The following SNTG1 variants were observed in gnomAD, a reference collection of about 807,000 sequenced individuals.
SNTG1 encodes the protein syntrophin gamma 1, also known as gamma-1-syntrophin.
SNTG1 carries 39 observed loss-of-function variants against 74.7 expected under a neutral mutation model. The ratio of observed to expected loss-of-function variants is 0.52; its 90% CI spans 0.40 to 0.68. SNTG1 has a LOEUF of 0.68. Ranked by LOEUF, SNTG1 falls within the 30% of genes least tolerant of loss-of-function variation. The pLI, the probability that SNTG1 is intolerant of heterozygous loss-of-function variation, is 0.00. For missense variants in SNTG1, 685 were observed against 609.5 expected (o/e 1.12, Z -1.30); for synonymous variants, 254 against 217.1 (o/e 1.17, Z -1.49).
chr8:50,686,272 T>G (rs2095352185), intron 15 of SNTG1, among the ~76,000 whole-genome samples: 1 of 152,182 alleles, frequency 6.6e-6, no homozygotes, highest in Admixed American at 6.5e-5. Context: ...GCCTTCAAAC[T>G]TAAGCTGAAT....
chr8:50,428,674 C>G (rs548566216), intron 4 of SNTG1, among the ~76,000 whole-genome samples: 47 of 152,088 alleles, frequency 3.1e-4, no homozygotes, highest in African/African-American at 1.1e-3. Context: ...AACCCAAAAC[C>G]CTGAGAGCTT....
intron 2 of SNTG1, among the ~76,000 whole-genome samples, chr8:50,341,360 A>G (rs953700546): frequency 1.3e-5 from 2 of 151,954 alleles, no homozygotes; most frequent in African/African-American, 2.4e-5. Flanking sequence ...CACAAATGGT[A>G]CTTTTTCCCC....
intron 1 of SNTG1, among the ~76,000 whole-genome samples, chr8:50,030,381 C>CT (rs1817642124): frequency 6.6e-6 from 1 of 151,926 alleles, no homozygotes; most frequent in Non-Finnish European, 1.5e-5. Flanking sequence ...GCCTTGGTCG[C>CT]TGTGCTTTTG....
intron 2 of SNTG1, among the ~76,000 whole-genome samples, chr8:50,333,460 T>C (rs2091035081): frequency 6.6e-6 from 1 of 152,238 alleles, no homozygotes; most frequent in South Asian, 2.1e-4. Context: ...TCTGAATTCC[T>C]AGCTGAATAA....
chr8:50,226,843 T>C (rs2085354325), intron 2 of SNTG1, among the ~76,000 whole-genome samples: 1 of 152,178 alleles, frequency 6.6e-6, no homozygotes, highest in Non-Finnish European at 1.5e-5. Context: ...GTCACTCTTA[T>C]TTGGCTCAAA....
At chr8:49,915,862 A>G (rs1805981529) in intron 1 of SNTG1, among the ~76,000 whole-genome samples, 1 of 152,216 alleles carries the variant, frequency 6.6e-6, no homozygotes, top group South Asian at 2.1e-4. Context: ...GTTTTGATTT[A>G]GTCGAAAGCC....
At chr8:49,951,334 A>C (rs1375564426) in intron 1 of SNTG1, among the ~76,000 whole-genome samples, 1 of 152,256 alleles carries the variant, frequency 6.6e-6, no homozygotes, top group Non-Finnish European at 1.5e-5. Context: ...GCATTTGGTT[A>C]CAATATCTAA....
At chr8:50,767,298 T>C (rs2095616123) in intron 18 of SNTG1, among the ~76,000 whole-genome samples, 1 of 151,988 alleles carries the variant, frequency 6.6e-6, no homozygotes, top group Non-Finnish European at 1.5e-5. Flanking sequence ...CAAATAGTGC[T>C]TAATTCATTG....
At chr8:49,987,854 TAG>T (rs1380851951) in intron 1 of SNTG1, among the ~76,000 whole-genome samples, 1 of 152,042 alleles carries the variant, frequency 6.6e-6, no homozygotes, top group Non-Finnish European at 1.5e-5. Context: ...TTCACCGTGT[TAG>T]CCAGGATGGT....
intron 8 of SNTG1, among the ~76,000 whole-genome samples, chr8:50,498,956 A>T (rs577218909): frequency 6.6e-6 from 1 of 151,824 alleles, no homozygotes; most frequent in African/African-American, 2.4e-5. Context: ...ATATCATGTT[A>T]CATTATTATT....
At chr8:50,493,857 G>A (rs935247214) in intron 8 of SNTG1, among the ~76,000 whole-genome samples, 3 of 150,878 alleles carry the variant, frequency 2.0e-5, no homozygotes, top group African/African-American at 7.3e-5. Context: ...ATACAGTCAG[G>A]TACCAAATAA....
At chr8:50,218,858 C>G (rs1371035147) in intron 2 of SNTG1, among the ~76,000 whole-genome samples, 1 of 152,136 alleles carries the variant, frequency 6.6e-6, no homozygotes, top group Middle Eastern at 3.2e-3. Context: ...TCCAGAGAGG[C>G]AGAAACAATG....
intron 2 of SNTG1, among the ~76,000 whole-genome samples, chr8:50,221,586 C>CA (rs1227249917): frequency 4.6e-5 from 7 of 150,576 alleles, no homozygotes; most frequent in African/African-American, 1.7e-4. Context: ...TACTTAAAGG[C>CA]AATGAGAGAG....
chr8:50,383,030 G>A (rs972311693), intron 2 of SNTG1, among the ~76,000 whole-genome samples: 6 of 152,276 alleles, frequency 3.9e-5, no homozygotes, highest in African/African-American at 1.4e-4. Flanking sequence ...AAAGCCAACT[G>A]ATTTCAGATG....
At chr8:50,670,291 C>A (rs917771237) in intron 15 of SNTG1, among the ~76,000 whole-genome samples, 1 of 152,118 alleles carries the variant, frequency 6.6e-6, no homozygotes, top group South Asian at 2.1e-4. Context: ...ATCTAGAAAA[C>A]CCCATTGTCT....
chr8:49,958,711 G>A lies in SNTG1; in HGVS notation c.-103+46480G>A, dbSNP rs141055728. Reference sequence around the variant, plus strand: ...TGGGATTACAGGCGTGAGCCACTACGCCCAGCCAACATTTTCCTTCTAATC... The same window carrying A: ...TGGGATTACAGGCGTGAGCCACTACACCCAGCCAACATTTTCCTTCTAATC... On this transcript the variant is annotated intron_variant, in intron 1 of 18. Transcript: ENST00000642720. Among the ~76,000 whole-genome samples, 112 of 152,292 alleles carry A rather than the reference G, an allele frequency of 7.4e-4. No individual in the cohort carries two copies. In the East Asian group the frequency reaches 0.01, roughly 14 times the overall value.
chr8:50,167,436 T>C (rs2082659972), intron 1 of SNTG1, among the ~76,000 whole-genome samples: 1 of 151,850 alleles, frequency 6.6e-6, no homozygotes, highest in African/African-American at 2.4e-5. Context: ...GTAAAACCTT[T>C]CATATCACAT....
At chr8:50,652,518 C>T (rs1290277328) in intron 13 of SNTG1, among the ~76,000 whole-genome samples, 1 of 152,052 alleles carries the variant, frequency 6.6e-6, no homozygotes, top group Non-Finnish European at 1.5e-5. Context: ...TGTTATCAGG[C>T]CGGTGCAGTG....
chr8:50,722,522 A>G (rs960917992), intron 17 of SNTG1, among the ~76,000 whole-genome samples: 1 of 152,148 alleles, frequency 6.6e-6, no homozygotes, highest in Admixed American at 6.5e-5. Context: ...AGGTTCTGTA[A>G]TGCTTACCTG....
Sources: gnomAD v4.1 joint callset for allele counts (sites outside exome capture counted in the v4.1 genomes callset) on GRCh38, gnomAD v4.1.1 for gene constraint, MANE v1.5 for transcripts, NCBI Gene and HGNC (gene_info 2026-07-23, HGNC 2026-07-21) for gene names.